RBPMS2: variants seen among roughly 807,000 people sequenced by gnomAD.
The protein encoded by RBPMS2 is RNA binding protein, mRNA processing factor 2.
Under a neutral mutation model 25.7 loss-of-function variants are expected in RBPMS2, and 14 were observed. The ratio of observed to expected loss-of-function variants is 0.55; its 90% CI spans 0.36 to 0.85. The LOEUF (loss-of-function observed/expected upper bound fraction) is 0.85, where lower values mean the gene tolerates loss of function less well. Among genes scored for constraint, RBPMS2 ranks in the 40% least tolerant of loss-of-function variants. The probability of loss-of-function intolerance (pLI) is 0.01; values close to 1 mark genes in which losing one functional copy is unlikely to be tolerated. For synonymous variants in RBPMS2, 127 were observed against 115.6 expected (o/e 1.10, Z -0.63); for missense variants, 252 against 283.4 (o/e 0.89, Z 0.80).
intron 1 of RBPMS2, among the ~76,000 whole-genome samples, chr15:64,765,876 C>T (rs2083841906): frequency 1.3e-5 from 2 of 151,694 alleles, no homozygotes; most frequent in South Asian, 4.2e-4. Context: ...ACCTGTAATC[C>T]CAGCTACTCA....
At chr15:64,745,822 T>C (rs1024067316) in intron 6 of RBPMS2, among the ~76,000 whole-genome samples, 6 of 152,234 alleles carry the variant, frequency 3.9e-5, no homozygotes, top group East Asian at 1.9e-4. Context: ...CACGTAGCTG[T>C]GGAGGCCTGG....
chr15:64,774,733 G>GCCGC (rs200436369), intron 1 of RBPMS2, among the ~76,000 whole-genome samples: 1 of 12,944 alleles, frequency 7.7e-5, no homozygotes, highest in South Asian at 4.3e-3. Context: ...GAACCGAGGA[G>GCCGC]CCGGCCGGCC....
intron 1 of RBPMS2, among the ~76,000 whole-genome samples, chr15:64,759,287 A>C (rs781707052): frequency 2.0e-5 from 3 of 152,094 alleles, no homozygotes; most frequent in Non-Finnish European, 2.9e-5. Flanking sequence ...GTACGAATAG[A>C]TCTAGGAGGA....
At chr15:64,747,525 G>A (rs1377890047) in intron 6 of RBPMS2, among the ~76,000 whole-genome samples, 2 of 152,148 alleles carry the variant, frequency 1.3e-5, no homozygotes, top group Non-Finnish European at 2.9e-5. Context: ...CTGGTCAAAG[G>A]TTGAGGTGGG....
At chr15:64,757,553 A>T (rs1404711754) in intron 1 of RBPMS2, among the ~76,000 whole-genome samples, 2 of 152,344 alleles carry the variant, frequency 1.3e-5, no homozygotes, top group South Asian at 2.1e-4. Flanking sequence ...CACAGAGATC[A>T]GCTAGTTCAA....
rs1442139936 is a variant in RBPMS2 at position 64,748,475 on chromosome 15, G to A, written c.511C>T (p.His171Tyr). The A allele has an allele frequency of 1.9e-6, 3 of 1,614,138 alleles. No individual in the cohort carries two copies. Residue 171 changes from histidine (H) to tyrosine (Y), a missense_variant, in exon 6 of 8, where the codon CAT becomes TAT. His to Tyr is a moderately conservative substitution (Grantham distance 83). Transcript: ENST00000300069. ...YTTELTPAIS[H>Y]AAFTYPTATA... ...GCAGTTGGGTAGGTGAACGCAGCAT[G>A]GGAGATGGCTGGGGTCAGCTCTGTG...
intron 1 of RBPMS2, 37 bp from the exon 2 acceptor site, chr15:64,751,675 C>A (rs1457874842): frequency 7.7e-6 from 12 of 1,563,306 alleles, no homozygotes; most frequent in African/African-American, 1.4e-5. Context: ...CCAGGCTGCC[C>A]AAGACGGACA....
rs2083653585 is a variant in RBPMS2, at chr15:64,749,416, T to C, written c.267+15A>G. 6.2e-7 allele frequency: 1 copy of C among 1,610,506 alleles called. No individual in the cohort carries two copies. The highest frequency in any genetic ancestry group is 1.1e-5 in the South Asian group (1 of 90,902). Reference sequence around the variant, plus strand: ...GGGCTGTGAGTCAGAGAAGACCTGTTCTCCACCTACTCACGTTCAGCGCAT... The same window carrying C: ...GGGCTGTGAGTCAGAGAAGACCTGTCCTCCACCTACTCACGTTCAGCGCAT... On this transcript the variant is annotated intron_variant, in intron 4 of 7. Transcript: ENST00000300069.
chr15:64,757,034 G>A (rs575138013), intron 1 of RBPMS2, among the ~76,000 whole-genome samples: 8 of 143,410 alleles, frequency 5.6e-5, no homozygotes, highest in Middle Eastern at 4.0e-3. Context: ...GTGCAGTGGC[G>A]CTATCATAGC....
chr15:64,774,929 G>A (rs1330046176), intron 1 of RBPMS2, among the ~76,000 whole-genome samples: 1 of 151,186 alleles, frequency 6.6e-6, no homozygotes, highest in Admixed American at 6.6e-5. Flanking sequence ...GCGCGCGGGC[G>A]GCAGGCATGG....
intron 1 of RBPMS2, among the ~76,000 whole-genome samples, chr15:64,758,068 A>G (rs1010110161): frequency 6.6e-6 from 1 of 152,248 alleles, no homozygotes; most frequent in African/African-American, 2.4e-5. Context: ...GTTCAACCAA[A>G]TAACTCATGT....
chr15:64,746,455 C>A (rs550966182), intron 6 of RBPMS2, among the ~76,000 whole-genome samples: 1 of 152,356 alleles, frequency 6.6e-6, no homozygotes, highest in African/African-American at 2.4e-5. Flanking sequence ...GCGAACAACA[C>A]ACCTATCAAG....
At position 64,740,785 on chromosome 15, in the gene RBPMS2, A is replaced by C. The variant is rs1351869841; in HGVS notation, c.*223T>G. The C allele has an allele frequency of 4.4e-5, 7 of 159,290 alleles. No individual in the cohort carries two copies. Among genetic ancestry groups the C allele is most frequent in the African/African-American group, 1.7e-4 (7 of 41,610 alleles). The allele number at this position is 159,290 out of a possible 1,614,324, so 9.9% of individuals were successfully genotyped here. Reference sequence around the variant, plus strand: ...GGCGCCCCAGGGAGAAAGTCCCCAAATCCTCCTGGGAGGCATTGGAGAAAG... The same window carrying C: ...GGCGCCCCAGGGAGAAAGTCCCCAACTCCTCCTGGGAGGCATTGGAGAAAG... On this transcript the variant is annotated 3_prime_UTR_variant, in exon 8 of 8. Coordinates refer to ENST00000300069, the MANE Select transcript of RBPMS2 (RefSeq NM_194272.3).
intron 1 of RBPMS2, among the ~76,000 whole-genome samples, chr15:64,756,217 C>A (rs1384456437): frequency 1.3e-5 from 2 of 152,162 alleles, no homozygotes; most frequent in Non-Finnish European, 1.5e-5. Flanking sequence ...CAGAACGATA[C>A]CATAAATGGC....
chr15:64,774,988 G>C (rs1020600195), intron 1 of RBPMS2, among the ~76,000 whole-genome samples: 3 of 150,648 alleles, frequency 2.0e-5, no homozygotes, highest in African/African-American at 7.3e-5. Flanking sequence ...GACGGCGGCC[G>C]GCGCGCGCGG....
chr15:64,775,207 G>T (rs1480049855), intron 1 of RBPMS2, 26 bp downstream of exon 1: 3 of 1,150,808 alleles, frequency 2.6e-6, no homozygotes, highest in South Asian at 3.6e-5. Flanking sequence ...CGCTTCACCC[G>T]GCAAGTCCCG....
chr15:64,743,016 A>G (rs1358513062), intron 6 of RBPMS2, among the ~76,000 whole-genome samples: 1 of 152,194 alleles, frequency 6.6e-6, no homozygotes, highest in East Asian at 1.9e-4. Flanking sequence ...TCCACAAGAG[A>G]GGGACACACG....
At chr15:64,751,275 G>C (rs1369099513) in intron 2 of RBPMS2, among the ~76,000 whole-genome samples, 4 of 151,768 alleles carry the variant, frequency 2.6e-5, no homozygotes, top group South Asian at 4.2e-4. Flanking sequence ...AGCGGTTGCA[G>C]TGAGCCGAGA....
At chr15:64,775,086 C>T in intron 1 of RBPMS2, 147 bp downstream of exon 1, 1 of 346,962 alleles carries the variant, frequency 2.9e-6, no homozygotes, top group Non-Finnish European at 4.9e-6. Flanking sequence ...ACACGGGCCG[C>T]TCCTACCCGG....
Sources: allele counts gnomAD v4.1 joint callset (sites outside exome capture counted in the v4.1 genomes callset), GRCh38; gene constraint gnomAD v4.1.1; transcripts MANE v1.5; gene names NCBI Gene and HGNC (gene_info 2026-07-23, HGNC 2026-07-21).